The following TEX15 variants were observed in gnomAD, a reference collection of about 807,000 sequenced individuals.
The protein encoded by TEX15 is testis expressed 15, meiosis and synapsis associated.
A neutral mutation model predicts 237.3 loss-of-function variants in TEX15; 171 were observed. The ratio of observed to expected loss-of-function variants is 0.72; its 90% CI spans 0.64 to 0.82. The LOEUF is 0.82. Among genes scored for constraint, TEX15 ranks in the 40% least tolerant of loss-of-function variants. The pLI is 0.00. For missense variants in TEX15, 3,750 were observed against 3,646.5 expected (o/e 1.03, Z -0.73); for synonymous variants, 1,338 against 1,269.8 (o/e 1.05, Z -1.14).
intron 2 of TEX15, among the ~76,000 whole-genome samples, chr8:30,897,817 C>T (rs1808934528): frequency 6.6e-6 from 1 of 152,028 alleles, no homozygotes; most frequent in Non-Finnish European, 1.5e-5. Flanking sequence ...CATGCCACCT[C>T]ACCAGACTAA....
Position 30,847,181 on chromosome 8 carries a change from T to C in TEX15, c.2986A>G (p.Ser996Gly). The C allele has an allele frequency of 1.9e-6, 3 of 1,613,996 alleles. No homozygotes were observed. Among genetic ancestry groups the C allele is most frequent in the Non-Finnish European group, 2.5e-6 (3 of 1,179,864 alleles). Reference protein sequence around the residue: ...QIASATMPALSLNNDDHQIYQ... With the variant: ...QIASATMPALGLNNDDHQIYQ... Reference sequence around the variant, plus strand: ...ATCTGGTGATCGTCATTATTTAGGCTTAATGCAGGCATAGTAGCACTAGCT... The same window carrying C: ...ATCTGGTGATCGTCATTATTTAGGCCTAATGCAGGCATAGTAGCACTAGCT... Residue 996 changes from serine (S) to glycine (G), a missense_variant, in exon 8 of 11, where the codon AGC (serine) becomes GGC (glycine). By Grantham distance (56) the Ser-to-Gly change is moderately conservative. Transcript: ENST00000643185.
At chr8:30,854,249 CCTGA>C (rs1376309763) in intron 7 of TEX15, among the ~76,000 whole-genome samples, 5 of 145,922 alleles carry the variant, frequency 3.4e-5, no homozygotes, top group Non-Finnish European at 6.0e-5. Flanking sequence ...ACCTTTTTAA[CCTGA>C]CTGACCAAAA....
rs1807183629 is a variant in TEX15, at chr8:30,831,737, A to C, written c.*1549T>G. The C allele has an allele frequency of 6.6e-6, 1 of 152,260 alleles. No individual in the cohort carries two copies. Among genetic ancestry groups the C allele is most frequent in the Admixed American group, 6.5e-5 (1 of 15,288 alleles). 9.4% of individuals were successfully genotyped at this position (152,260 alleles called of 1,614,324 possible). A position where few individuals can be genotyped will look rare whatever the true frequency, so the allele number is the denominator to read the frequency against. On this transcript the variant is annotated 3_prime_UTR_variant, in exon 11 of 11. Coordinates refer to ENST00000643185, the MANE Select transcript of TEX15 (RefSeq NM_001350162.2). ...CTAGAATATTTAACTTTTGGTTTACATATTAGTAGTAGTATTAACTATAAA... is the reference window on the plus strand; with the variant it reads ...CTAGAATATTTAACTTTTGGTTTACCTATTAGTAGTAGTATTAACTATAAA...
Position 30,842,196 on chromosome 8 carries a change from C to T in TEX15, c.7971G>A (p.Met2657Ile), listed in dbSNP as rs1807473434. 4 of 1,611,590 alleles carry T rather than the reference C, an allele frequency of 2.5e-6. No homozygotes were observed. In the South Asian group the frequency reaches 4.4e-5, roughly 18 times the overall value. ...CCCCAGGTTTTACAATATGAATATT[C>T]ATTTTTTCTTTTCTCTTCAGCTGTA... ...KILQLKRKEK[M>I]NIHIVKPGEN... The change falls in exon 8 of 11, where the codon ATG (methionine) becomes ATA (isoleucine). Residue 2657 changes from methionine (M) to isoleucine (I), a missense_variant. By Grantham distance (10) the Met-to-Ile change is conservative. Transcript: ENST00000643185.
At chr8:30,879,158 T>C (rs1808466983) in intron 3 of TEX15, among the ~76,000 whole-genome samples, 1 of 152,148 alleles carries the variant, frequency 6.6e-6, no homozygotes. Flanking sequence ...ACTTTGAAAG[T>C]GCTTTATATG....
Position 30,838,071 on chromosome 8 carries a change from G to C in TEX15, c.8223-10C>G. ...ATGAGATCCTGTAGTCCTATTAGGT[G>C]CAACACATACATAAAAATGAATTTA... On this transcript the variant is annotated splice_polypyrimidine_tract_variant and intron_variant, in intron 9 of 10. Coordinates refer to ENST00000643185, the MANE Select transcript of TEX15 (RefSeq NM_001350162.2). 2 of 1,570,300 alleles carry C rather than the reference G, an allele frequency of 1.3e-6. No homozygotes were observed. The highest frequency in any genetic ancestry group is 1.2e-5 in the South Asian group (1 of 83,064).
chr8:30,843,002 C>G lies in TEX15; in HGVS notation c.7165G>C (p.Asp2389His), dbSNP rs772388267. The change falls in exon 8 of 11, where the codon GAT (aspartate) becomes CAT (histidine). Residue 2389 changes from aspartate to histidine, a missense_variant. Coordinates refer to ENST00000643185, the MANE Select transcript of TEX15 (RefSeq NM_001350162.2). ...TGATCTGTACATCTCAAGGTGAGAT[C>G]CTGTAATTTTTTAAGGTCTGCAAAT... ...AEFADLKKLQ[D>H]LTLRCTDHLE... 1.2e-5 allele frequency: 19 copies of G among 1,613,192 alleles called. No homozygotes were observed. The highest frequency in any genetic ancestry group is 1.5e-5 in the Non-Finnish European group (18 of 1,179,718).
intron 5 of TEX15, among the ~76,000 whole-genome samples, chr8:30,867,054 CTT>C (rs578027524): frequency 1.5e-4 from 19 of 128,124 alleles, no homozygotes; most frequent in East Asian, 2.2e-4. Flanking sequence ...GCTGCCTTTG[CTT>C]TTTTTTTTTT....
At chr8:30,856,395 A>G (rs1389884244) in intron 7 of TEX15, among the ~76,000 whole-genome samples, 1 of 151,994 alleles carries the variant, frequency 6.6e-6, no homozygotes, top group Non-Finnish European at 1.5e-5. Context: ...CTCTACAAAA[A>G]AAAATACAAA....
chr8:30,896,426 T>C (rs1043597668), intron 2 of TEX15, among the ~76,000 whole-genome samples: 4 of 152,010 alleles, frequency 2.6e-5, no homozygotes, highest in Admixed American at 6.6e-5. Flanking sequence ...TTGGAGAAGA[T>C]GAACCATCTA....
rs1419647928 is a variant in TEX15, at chr8:30,837,877, C to G, written c.8407G>C (p.Val2803Leu). The G allele has an allele frequency of 4.3e-6, 7 of 1,614,134 alleles. No individual in the cohort carries two copies. The South Asian group carries it at 6.6e-5, about 15-fold the overall frequency. ...TGTCCACTGAAGTGATCAGATGAAA[C>G]AGTTAAGTCTATTTTGCTTTCCGAC... is the stretch of plus-strand genomic sequence containing the variant. ...SKSESKIDLTVSSDHFSGQQE... is the reference protein window; with the variant it reads ...SKSESKIDLTLSSDHFSGQQE... The change falls in exon 10 of 11, where the codon GTT (valine) becomes CTT (leucine). Residue 2803 changes from valine (V) to leucine (L), a missense_variant. Transcript: ENST00000643185.
chr8:30,842,139 C>A lies in TEX15; in HGVS notation c.8028G>T (p.Met2676Ile). 6.2e-7 allele frequency: 1 copy of A among 1,613,270 alleles called. No homozygotes were observed. The highest frequency in any genetic ancestry group is 8.5e-7 in the Non-Finnish European group (1 of 1,179,620). ...TTATGCACTCTGATACTGGGGGCAA[C>A]ATCGTAGAAATACTAAATTTATTGT... is the stretch of plus-strand genomic sequence containing the variant. ...ENNNKFSIST[M>I]LPPVSECINK... The change falls in exon 8 of 11, where the codon ATG (methionine) becomes ATT (isoleucine). Residue 2676 changes from methionine to isoleucine, a missense_variant. Met to Ile is a conservative substitution (Grantham distance 10). Coordinates refer to ENST00000643185, the MANE Select transcript of TEX15 (RefSeq NM_001350162.2).
intron 1 of TEX15, among the ~76,000 whole-genome samples, chr8:30,903,208 T>C (rs1809038378): frequency 1.3e-5 from 2 of 152,204 alleles, no homozygotes; most frequent in South Asian, 4.1e-4. Flanking sequence ...GGCTCTCCTC[T>C]AGGTCCAAGG....
intron 1 of TEX15, among the ~76,000 whole-genome samples, chr8:30,911,967 G>A (rs1809229235): frequency 1.3e-5 from 2 of 152,216 alleles, no homozygotes; most frequent in African/African-American, 4.8e-5. Flanking sequence ...GAGCCAGGAA[G>A]CCAAGAGCCA....
At chr8:30,864,482 A>G (rs990386138) in intron 5 of TEX15, among the ~76,000 whole-genome samples, 1 of 151,754 alleles carries the variant, frequency 6.6e-6, no homozygotes, top group Non-Finnish European at 1.5e-5. Context: ...GAGGATCGCT[A>G]GAGCCTGGGA....
At chr8:30,895,980 C>G (rs1202521563) in intron 2 of TEX15, among the ~76,000 whole-genome samples, 1 of 152,056 alleles carries the variant, frequency 6.6e-6, no homozygotes. Flanking sequence ...CCATGCCTGG[C>G]CAAACACATA....
rs1169189274 is a variant in TEX15 at position 30,906,610 on chromosome 8, AAG to A, written c.-86+6267_-86+6268del. On this transcript the variant is annotated intron_variant, in intron 1 of 10. Transcript: ENST00000643185. The stretch of plus-strand genomic sequence containing the variant: ...ATCTCAAAAGAAAAAAAAAAAAAAA[AAG>A]AGAGAGAGAACAAGCATATATTAAA... Among the ~76,000 whole-genome samples, 9 of 151,456 alleles carry A rather than the reference AAG, an allele frequency of 5.9e-5. No individual in the cohort carries two copies. In the South Asian group the frequency reaches 8.3e-4, roughly 14 times the overall value.
At chr8:30,865,234 C>T (rs998628220) in intron 5 of TEX15, among the ~76,000 whole-genome samples, 2 of 151,842 alleles carry the variant, frequency 1.3e-5, no homozygotes, top group Admixed American at 6.6e-5. Context: ...TAGATACATC[C>T]CTGGACATCC....
At chr8:30,881,043 T>C (rs1289277563) in intron 3 of TEX15, among the ~76,000 whole-genome samples, 2 of 152,190 alleles carry the variant, frequency 1.3e-5, no homozygotes, top group African/African-American at 4.8e-5. Flanking sequence ...CCTTGGCTTT[T>C]TGTGCTGGGT....
Sources: allele counts gnomAD v4.1 joint callset (sites outside exome capture counted in the v4.1 genomes callset), GRCh38; gene constraint gnomAD v4.1.1; transcripts MANE v1.5; gene names NCBI Gene and HGNC (gene_info 2026-07-23, HGNC 2026-07-21).